Variants in CFAP65 observed in about 807,000 individuals in gnomAD.
The protein encoded by CFAP65 is cilia and flagella associated protein 65.
In CFAP65, 155 loss-of-function variants were observed where a neutral mutation model predicts 208.0. The observed-to-expected ratio is 0.75, with a 90% confidence interval of 0.65 to 0.85. CFAP65 has a LOEUF of 0.85. CFAP65 is among the 40% of genes least tolerant of loss of function. CFAP65 has a pLI of 0.00. For missense variants in CFAP65, 2,294 were observed against 2,451.3 expected (o/e 0.94, Z 1.36); for synonymous variants, 970 against 986.3 (o/e 0.98, Z 0.31).
rs770503731 is a variant in CFAP65 at position 219,009,460 on chromosome 2, C to G, written c.4453G>C (p.Val1485Leu). 27 of 1,606,284 alleles carry G rather than the reference C, an allele frequency of 1.7e-5. No homozygotes were observed. Among genetic ancestry groups the G allele is most frequent in the Admixed American group, 3.3e-5 (2 of 59,972 alleles). ...ACCCCTATCATGGGACTCACAGACA[C>G]CTGTTGATTTGGGGAAGGAGTCTCT... ...WQPSPLDFGE[V>L]SVSPMIGVVA... is the part of the protein sequence containing the mutation. Residue 1485 changes from valine (V) to leucine (L), a missense_variant and splice_region_variant, in exon 28 of 35, where the codon GTG becomes CTG. By Grantham distance (32) the Val-to-Leu change is conservative (BLOSUM62 1). Transcript: ENST00000341552.
chr2:219,031,450 G>A lies in CFAP65; in HGVS notation c.815+39C>T, dbSNP rs758468013. The A allele has an allele frequency of 3.7e-6, 6 of 1,613,732 alleles. No individual in the cohort carries two copies. In the Admixed American group the frequency reaches 1.0e-4, roughly 27 times the overall value. ...CCTGCTTCCAGACACCCTCCTCACAGCTCTTGCTCTCCCCGCCGCACCTCA... is the reference window on the plus strand; with the variant it reads ...CCTGCTTCCAGACACCCTCCTCACAACTCTTGCTCTCCCCGCCGCACCTCA... On this transcript the variant is annotated intron_variant, in intron 7 of 34. Transcript: ENST00000341552. The surrounding 1 kb of genome is among the most constrained non-coding windows in gnomAD (Gnocchi z 5.2).
At chr2:219,021,749 C>T in intron 18 of CFAP65, 31 bp downstream of exon 18, 1 of 1,611,292 alleles carries the variant, frequency 6.2e-7, no homozygotes, top group Middle Eastern at 1.7e-4. Flanking sequence ...CCCACCTCCC[C>T]TGGCCCCAGT....
In CFAP65 at chr2:219,006,063, A is replaced by C; in HGVS notation, c.4880T>G (p.Leu1627Arg). 1 of 1,613,468 alleles carries C rather than the reference A, an allele frequency of 6.2e-7. No homozygotes were observed. The highest frequency in any genetic ancestry group is 1.1e-5 in the South Asian group (1 of 91,088). ...GGGAAACTCTGAGAAGAAGTTAGCCAGAAAGTAGTCGGTGGCATGGGCTCG... is the reference window on the plus strand; with the variant it reads ...GGGAAACTCTGAGAAGAAGTTAGCCCGAAAGTAGTCGGTGGCATGGGCTCG... ...TARAHATDYF[L>R]ANFFSEFPCH... The change falls in exon 31 of 35, where the codon CTG becomes CGG. Residue 1627 changes from leucine (L) to arginine (R), a missense_variant. Physicochemically the swap from Leu to Arg is moderately radical, Grantham distance 102. This residue lies in a region of CFAP65 where 1,427 missense variants were observed against 1,438.7 expected (regional missense o/e 0.99). Transcript: ENST00000341552.
intron 27 of CFAP65, 113 bp downstream of exon 27, chr2:219,009,829 G>T: frequency 2.7e-6 from 2 of 750,106 alleles, no homozygotes; most frequent in Non-Finnish European, 3.7e-6. Context: ...GATGGGATGG[G>T]ATGGGGTTTG....
Position 219,035,766 on chromosome 2 carries a change from A to C in CFAP65, c.358-102T>G, listed in dbSNP as rs1948320715. The C allele has an allele frequency of 3.4e-6, 5 of 1,487,288 alleles. No individual in the cohort carries two copies. In the East Asian group the frequency reaches 1.1e-4, roughly 34 times the overall value. 92.1% of individuals were successfully genotyped at this position (1,487,288 alleles called of 1,614,324 possible). On this transcript the variant is annotated intron_variant, in intron 4 of 34. Transcript: ENST00000341552. ...TGAAGGTCTTCGTCCTCCACCACCA[A>C]GAAAATAAAAGACAAGAAGAAAAAC... is the stretch of plus-strand genomic sequence containing the variant.
chr2:219,018,921 AATGT>A (rs1947084082), intron 21 of CFAP65, 126 bp downstream of exon 21: 2 of 1,275,112 alleles, frequency 1.6e-6, no homozygotes, highest in Non-Finnish European at 2.2e-6. Flanking sequence ...CACAGCCGTC[AATGT>A]GAGGTCCACT....
intron 21 of CFAP65, among the ~76,000 whole-genome samples, chr2:219,015,924 T>A (rs1946849058): frequency 6.6e-6 from 1 of 152,178 alleles, no homozygotes; most frequent in South Asian, 2.1e-4. Context: ...TAATGCTGAG[T>A]GAAAGCATCA....
intron 32 of CFAP65, 48 bp downstream of exon 32, chr2:219,005,386 T>G (rs1336610581): frequency 1.2e-6 from 2 of 1,610,830 alleles, no homozygotes; most frequent in East Asian, 4.5e-5. Context: ...CTGAATGAGC[T>G]GGAGGGATGC....
chr2:219,008,755 T>TA (rs1484389437), intron 29 of CFAP65, among the ~76,000 whole-genome samples: 1 of 151,878 alleles, frequency 6.6e-6, no homozygotes, highest in Non-Finnish European at 1.5e-5. Context: ...AAAATAAAAA[T>TA]AAAATGTGAG....
intron 24 of CFAP65, among the ~76,000 whole-genome samples, chr2:219,012,079 C>T (rs1946529835): frequency 6.6e-6 from 1 of 152,202 alleles, no homozygotes; most frequent in African/African-American, 2.4e-5. Context: ...CCCCACCAAA[C>T]CTGCCCATGT....
In CFAP65 at chr2:219,026,115, G is replaced by T. The variant is rs1387774727; in HGVS notation, c.2256C>A (p.Cys752Ter). The change falls in exon 14 of 35, where the codon TGC (cysteine) becomes TGA (stop). Residue 752 changes from cysteine (C) to a stop codon, truncating the protein, a stop_gained. Transcript: ENST00000341552. LOFTEE classifies it high-confidence loss of function. ...CCCGCACCGTCAGGCACCAGGATGG[G>T]CACATGGTGCAGTCCTCCTCAATAT... ...YSNIEEDCTM[C>*]PSWCLTVRAR... 6.2e-7 allele frequency: 1 copy of T among 1,613,862 alleles called. No individual in the cohort carries two copies. The highest frequency in any genetic ancestry group is 1.3e-5 in the African/African-American group (1 of 74,922).
Position 219,035,659 on chromosome 2 carries a change from T to G in CFAP65, c.363A>C (p.Ala121=). The G allele has an allele frequency of 3.7e-6, 6 of 1,611,696 alleles. No homozygotes were observed. Among genetic ancestry groups the G allele is most frequent in the Non-Finnish European group, 5.1e-6 (6 of 1,178,446 alleles). Reference sequence around the variant, plus strand: ...AGTGCATCTGAGTGTCCATGGAGCTTGCGGGCTGTTCAGGTGGCAGGGAGA... The same window carrying G: ...AGTGCATCTGAGTGTCCATGGAGCTGGCGGGCTGTTCAGGTGGCAGGGAGA... The part of the protein sequence containing the change: ...SACSTISAQP[A]SSMDTQMHSP... The change falls in exon 5 of 35, where the codon GCA becomes GCC. Residue 121 remains alanine, a synonymous_variant. Transcript: ENST00000341552.
Position 219,006,199 on chromosome 2 carries a change from G to T in CFAP65, c.4744C>A (p.Gln1582Lys), listed in dbSNP as rs1267946533. The stretch of plus-strand genomic sequence containing the variant: ...CAGCTGGCAGGCCGGCTGACAGACT[G>T]CTGGTTCTTGATGGGAGGCAGTGTC... The part of the protein sequence containing the change: ...YKTLPPIKNQ[Q>K]SVSRPASWKL... The change falls in exon 31 of 35, where the codon CAG becomes AAG. Residue 1582 changes from glutamine to lysine, a missense_variant. By Grantham distance (53) the Gln-to-Lys change is moderately conservative. Around this residue, in one of 2 missense-constraint regions of CFAP65, gnomAD observed 1,427 missense variants for 1,438.7 expected, o/e 0.99. Transcript: ENST00000341552. 6.2e-6 allele frequency: 10 copies of T among 1,608,912 alleles called. No individual in the cohort carries two copies. The Admixed American group carries it at 1.2e-4, about 19-fold the overall frequency.
At chr2:219,020,727 G>A (rs1376139948) in intron 19 of CFAP65, among the ~76,000 whole-genome samples, 1 of 152,186 alleles carries the variant, frequency 6.6e-6, no homozygotes, top group African/African-American at 2.4e-5. Flanking sequence ...GGGAGGTGAA[G>A]CAACTCGTTA....
chr2:219,018,310 G>C (rs1181851490), intron 21 of CFAP65: 1 of 152,216 alleles, frequency 6.6e-6, no homozygotes, highest in Non-Finnish European at 1.5e-5. Flanking sequence ...GTGGAGGGAG[G>C]AAAAGTCCAT....
At position 219,031,676 on chromosome 2, in the gene CFAP65, G is replaced by A; in HGVS notation, c.646-18C>T. 1.3e-6 allele frequency: 2 copies of A among 1,582,916 alleles called. No individual in the cohort carries two copies. The highest frequency in any genetic ancestry group is 1.7e-6 in the Non-Finnish European group (2 of 1,163,124). ...TACTCCTTCTGCAGTGTGAGGCGGG[G>A]CAGGGGCAGTCACCCATCAGTGGCA... is the stretch of plus-strand genomic sequence containing the variant. On this transcript the variant is annotated intron_variant, in intron 6 of 34. Coordinates refer to ENST00000341552, the MANE Select transcript of CFAP65 (RefSeq NM_194302.4). The surrounding 1 kb of genome is among the most constrained non-coding windows in gnomAD (Gnocchi z 5.2).
In CFAP65 at chr2:219,031,755, G is replaced by T; in HGVS notation, c.646-97C>A. On this transcript the variant is annotated intron_variant, in intron 6 of 34. Coordinates refer to ENST00000341552, the MANE Select transcript of CFAP65 (RefSeq NM_194302.4). This position sits in a 1 kb window ranked among gnomAD's most constrained non-coding sequence, Gnocchi z 5.2. ...CAGCCACCCCCAACACAACCGCTGA[G>T]GGGAGGGCCAGGCCGTGGCACCCAC... 6.9e-7 allele frequency: 1 copy of T among 1,456,462 alleles called. No individual in the cohort carries two copies. The highest frequency in any genetic ancestry group is 1.4e-5 in the African/African-American group (1 of 70,630). The allele number at this position is 1,456,462 out of a possible 1,614,324, so 90.2% of individuals were successfully genotyped here.
In CFAP65 at chr2:219,012,445, T is replaced by G. The variant is rs569772628; in HGVS notation, c.3957+814A>C. Among the ~76,000 whole-genome samples, 23 of 152,302 alleles carry G rather than the reference T, an allele frequency of 1.5e-4. No individual in the cohort carries two copies. In the East Asian group the frequency reaches 3.1e-3, roughly 20 times the overall value. The stretch of plus-strand genomic sequence containing the variant: ...AAGGCAGAGGGGTAGCGGGTGGGTA[T>G]GGAAGTGAACAGAGTTGGGGATAGG... On this transcript the variant is annotated intron_variant, in intron 24 of 34. Coordinates refer to ENST00000341552, the MANE Select transcript of CFAP65 (RefSeq NM_194302.4).
chr2:219,030,353 T>C (rs1277570927), intron 9 of CFAP65, 145 bp from the exon 10 acceptor site: 2 of 876,510 alleles, frequency 2.3e-6, no homozygotes, highest in Non-Finnish European at 1.8e-6. Flanking sequence ...CCAGACTGCC[T>C]CCACCAGGAG....
Sources: allele counts gnomAD v4.1 joint callset (sites outside exome capture counted in the v4.1 genomes callset), GRCh38; gene constraint gnomAD v4.1.1; regional missense constraint gnomAD v4.1.1; non-coding constraint Gnocchi (gnomAD v3.1); transcripts MANE v1.5; gene names NCBI Gene and HGNC (gene_info 2026-07-23, HGNC 2026-07-21).